Variants in SMAD4 observed in about 807,000 individuals in gnomAD.
The protein encoded by SMAD4 is SMAD family member 4, also known as MAD homolog 4.
A neutral mutation model predicts 63.2 loss-of-function variants in SMAD4; 7 were observed. The ratio of observed to expected loss-of-function variants is 0.11; its 90% CI spans 0.06 to 0.21. The LOEUF (loss-of-function observed/expected upper bound fraction) is 0.21, where lower values mean the gene tolerates loss of function less well. Among genes scored for constraint, SMAD4 ranks in the 10% least tolerant of loss-of-function variants. The probability of loss-of-function intolerance (pLI) is 1.00; values close to 1 mark genes in which losing one functional copy is unlikely to be tolerated. For missense variants in SMAD4, 312 were observed against 693.8 expected (o/e 0.45, Z 6.18); for synonymous variants, 215 against 235.4 (o/e 0.91, Z 0.79).
At chr18:51,037,599 G>A (rs1909243011) in intron 1 of SMAD4, among the ~76,000 whole-genome samples, 1 of 152,190 alleles carries the variant, frequency 6.6e-6, no homozygotes, top group Admixed American at 6.5e-5. Flanking sequence ...CTACCTTGGA[G>A]TATGTCTTTT....
intron 11 of SMAD4, among the ~76,000 whole-genome samples, chr18:51,078,024 T>C (rs1910513134): frequency 6.6e-6 from 1 of 152,238 alleles, no homozygotes; most frequent in Admixed American, 6.5e-5. Context: ...TAATTTACTT[T>C]ATAATTGGTT....
At position 51,079,307 on chromosome 18, in the gene SMAD4, G is replaced by A. The variant is rs1366507249; in HGVS notation, c.*840G>A. 1 of 233,242 alleles carries A rather than the reference G, an allele frequency of 4.3e-6. No homozygotes were observed. Among genetic ancestry groups the A allele is most frequent in the Non-Finnish European group, 8.5e-6 (1 of 117,898 alleles). 14.4% of individuals were successfully genotyped at this position (233,242 alleles called of 1,614,324 possible). ...GAATTTCTTTTCCTTCATTCATAGGGAAAGGTTTTGTATTTTTTAAAACAC... is the reference window on the plus strand; with the variant it reads ...GAATTTCTTTTCCTTCATTCATAGGAAAAGGTTTTGTATTTTTTAAAACAC... On this transcript the variant is annotated 3_prime_UTR_variant, in exon 12 of 12. Transcript: ENST00000342988.
rs368388212 is a variant in SMAD4 at position 51,068,318 on chromosome 18, A to G, written c.1308+1131A>G. Among the ~76,000 whole-genome samples the G allele has an allele frequency of 2.6e-5, 4 of 152,306 alleles. No individual in the cohort carries two copies. The South Asian group carries it at 8.3e-4, about 32-fold the overall frequency. ...ATTATCAGCACTTTACCAATCTTTA[A>G]TGTGTTTCTCCCCCAACTTTTTTTT... On this transcript the variant is annotated intron_variant, in intron 10 of 11. Transcript: ENST00000342988.
chr18:51,058,724 T>C (rs1909918821), intron 7 of SMAD4, among the ~76,000 whole-genome samples: 1 of 152,222 alleles, frequency 6.6e-6, no homozygotes, highest in Non-Finnish European at 1.5e-5. Context: ...CATTTGTTTG[T>C]TTGCTTTGTA....
intron 10 of SMAD4, among the ~76,000 whole-genome samples, chr18:51,072,714 G>A (rs1250905843): frequency 6.6e-6 from 1 of 152,172 alleles, no homozygotes. Flanking sequence ...TAACGGTTTT[G>A]TAATAAATTC....
intron 11 of SMAD4, 95 bp downstream of exon 11, chr18:51,076,871 A>G: frequency 9.9e-7 from 1 of 1,011,036 alleles, no homozygotes; most frequent in Middle Eastern, 3.1e-4. Context: ...AGTAATAGAA[A>G]TTAAAGTTTT....
Position 51,078,628 on chromosome 18 carries a change from A to G in SMAD4, c.*161A>G. The G allele has an allele frequency of 1.6e-6, 1 of 606,954 alleles. No individual in the cohort carries two copies. Among genetic ancestry groups the G allele is most frequent in the East Asian group, 2.8e-5 (1 of 36,302 alleles). The allele number at this position is 606,954 out of a possible 1,614,324, so 37.6% of individuals were successfully genotyped here. ...CTTGCTCCTAGCAGACAGAAACTGG[A>G]TTAAAACAATTTTTTTTTTCCTCTT... On this transcript the variant is annotated 3_prime_UTR_variant, in exon 12 of 12. Coordinates refer to ENST00000342988, the MANE Select transcript of SMAD4 (RefSeq NM_005359.6).
intron 1 of SMAD4, among the ~76,000 whole-genome samples, chr18:51,033,142 C>T (rs1909098930): frequency 6.7e-6 from 1 of 149,556 alleles, no homozygotes; most frequent in Non-Finnish European, 1.5e-5. Flanking sequence ...AAAATGTTTT[C>T]ATTGTTTTCT....
chr18:51,047,438 G>A, intron 2 of SMAD4, 143 bp downstream of exon 2: 1 of 728,090 alleles, frequency 1.4e-6, no homozygotes, highest in Non-Finnish European at 2.4e-6. Context: ...TATGCATTAT[G>A]GGAATTTCTG....
chr18:51,077,873 TA>T (rs952637769), intron 11 of SMAD4, among the ~76,000 whole-genome samples: 8 of 152,314 alleles, frequency 5.3e-5, no homozygotes, highest in African/African-American at 1.9e-4. Context: ...AGTTATGTCT[TA>T]TTCTGAACTA....
At chr18:51,035,846 AT>A (rs1399132049) in intron 1 of SMAD4, among the ~76,000 whole-genome samples, 1 of 151,906 alleles carries the variant, frequency 6.6e-6, no homozygotes, top group Non-Finnish European at 1.5e-5. Context: ...AAATAAAAAT[AT>A]TTTTTCCCAT....
chr18:51,047,898 T>A (rs1909594741), intron 2 of SMAD4, among the ~76,000 whole-genome samples: 1 of 152,204 alleles, frequency 6.6e-6, no homozygotes, highest in Non-Finnish European at 1.5e-5. Context: ...CGTGAGCCAC[T>A]GTGCCCAGTC....
intron 4 of SMAD4, chr18:51,054,125 A>G (rs1909778291): frequency 6.5e-6 from 1 of 152,738 alleles, no homozygotes; most frequent in African/African-American, 2.4e-5. Flanking sequence ...TTGATTACTG[A>G]GTTTTCTCAC....
intron 1 of SMAD4, among the ~76,000 whole-genome samples, chr18:51,036,814 C>T (rs1409984700): frequency 2.0e-5 from 3 of 152,110 alleles, no homozygotes; most frequent in African/African-American, 7.2e-5. Context: ...GATACATCCC[C>T]CTTTGAAGGA....
intron 10 of SMAD4, among the ~76,000 whole-genome samples, chr18:51,073,763 T>G (rs1345831092): frequency 6.6e-6 from 1 of 152,022 alleles, no homozygotes; most frequent in East Asian, 1.9e-4. Context: ...ACTCCTGACC[T>G]CAAGTGATCC....
intron 2 of SMAD4, among the ~76,000 whole-genome samples, chr18:51,047,908 C>T (rs890889043): frequency 2.0e-5 from 3 of 152,174 alleles, no homozygotes; most frequent in Non-Finnish European, 2.9e-5. Context: ...TGTGCCCAGT[C>T]GTGTTGTTTT....
chr18:51,037,005 C>T (rs556771908), intron 1 of SMAD4, among the ~76,000 whole-genome samples: 3 of 152,242 alleles, frequency 2.0e-5, no homozygotes, highest in African/African-American at 7.2e-5. Context: ...ACTAAAAATA[C>T]AAAAATTCAT....
chr18:51,073,109 C>T lies in SMAD4; in HGVS notation c.1309-3529C>T, dbSNP rs10164011. Among the ~76,000 whole-genome samples, 199 of 152,006 alleles carry T rather than the reference C, an allele frequency of 1.3e-3. 1 individual carries two copies. Among genetic ancestry groups the T allele is most frequent in the African/African-American group, 4.7e-3 (194 of 41,458 alleles). ...GGTGCCCAATGAATCATTTTTACTG[C>T]ATCTACAGATGCAAGTCATAAAGTT... is the stretch of plus-strand genomic sequence containing the variant. On this transcript the variant is annotated intron_variant, in intron 10 of 11. Coordinates refer to ENST00000342988, the MANE Select transcript of SMAD4 (RefSeq NM_005359.6).
chr18:51,035,903 G>A (rs181186464), intron 1 of SMAD4, among the ~76,000 whole-genome samples: 2 of 152,280 alleles, frequency 1.3e-5, no homozygotes, highest in Non-Finnish European at 2.9e-5. Context: ...TGGAGTGGAG[G>A]AGGCATGGGA....
Sources: allele counts gnomAD v4.1 joint callset (sites outside exome capture counted in the v4.1 genomes callset), GRCh38; gene constraint gnomAD v4.1.1; transcripts MANE v1.5; gene names NCBI Gene and HGNC (gene_info 2026-07-23, HGNC 2026-07-21).